The following MRM1 variants were observed in gnomAD, a reference collection of about 807,000 sequenced individuals.
MRM1 encodes mitochondrial rRNA methyltransferase 1, also known as rRNA methyltransferase 1, mitochondrial.
MRM1 carries 24 observed loss-of-function variants against 25.0 expected under a neutral mutation model. The observed-to-expected ratio is 0.96, with a 90% CI of 0.69 to 1.35. The LOEUF is 1.35. Ranked by LOEUF, MRM1 falls within the 40% of genes most tolerant of loss-of-function variation. MRM1 has a pLI of 0.00. For synonymous variants in MRM1, 188 were observed against 199.2 expected (o/e 0.94, Z 0.47); for missense variants, 431 against 464.1 (o/e 0.93, Z 0.65).
Position 36,601,991 on chromosome 17 carries a change from G to A in MRM1, c.181G>A (p.Ala61Thr). ...GTTTGGCATGACCCCGTGTCTCCTG[G>A]CTCTGCAGGCCGCCCGCCGCTCTGT... ...LLFGMTPCLL[A>T]LQAARRSVAR... The change falls in exon 1 of 5, where the codon GCT (alanine) becomes ACT (threonine). Residue 61 changes from alanine to threonine, a missense_variant. Coordinates refer to ENST00000614766, the MANE Select transcript of MRM1 (RefSeq NM_024864.5). The A allele has an allele frequency of 6.2e-7, 1 of 1,610,888 alleles. No individual in the cohort carries two copies. Among genetic ancestry groups the A allele is most frequent in the South Asian group, 1.1e-5 (1 of 90,878 alleles).
At chr17:36,611,500 A>ATGTGGTG (rs2074976617), downstream of MRM1, among the ~76,000 whole-genome samples, 1 of 152,178 alleles carries the variant, frequency 6.6e-6, no homozygotes, top group Non-Finnish European at 1.5e-5. Flanking sequence ...ACAGACTTTG[A>ATGTGGTG]TGTGGTGGTT....
intron 2 of MRM1, among the ~76,000 whole-genome samples, chr17:36,603,758 C>T (rs547444764): frequency 3.9e-5 from 6 of 152,178 alleles, no homozygotes; most frequent in Non-Finnish European, 8.8e-5. Context: ...TTACATACAA[C>T]ACACCTCGAT....
At chr17:36,609,723 C>T (rs1244487868), downstream of MRM1, among the ~76,000 whole-genome samples, 2 of 152,162 alleles carry the variant, frequency 1.3e-5, no homozygotes, top group African/African-American at 2.4e-5. Context: ...ACCTGGGCCT[C>T]GGTGCCCTCC....
intron 2 of MRM1, among the ~76,000 whole-genome samples, chr17:36,605,343 CT>C (rs71159625): frequency 1.2e-4 from 17 of 144,800 alleles, no homozygotes; most frequent in South Asian, 2.2e-4. Flanking sequence ...TTTTCTTTTT[CT>C]TTTTTTTTTT....
downstream of MRM1, among the ~76,000 whole-genome samples, chr17:36,610,068 GGCGTGCA>G (rs1299480984): frequency 2.5e-4 from 38 of 151,874 alleles, no homozygotes; most frequent in Non-Finnish European, 1.0e-4. Context: ...TGGGACTACA[GGCGTGCA>G]CCACGCGCAG....
downstream of MRM1, among the ~76,000 whole-genome samples, chr17:36,610,095 A>G (rs9916812): frequency 3.8e-3 from 572 of 150,722 alleles, 10 homozygotes; most frequent in African/African-American, 0.012. Context: ...GCTAATTTTT[A>G]TATTTTTTTT....
rs1458985493 is a variant in MRM1, at chr17:36,608,308, C to T, written c.955C>T (p.Leu319Phe). ...CCCCACAGAGGGGGAGAGAAGGCAG[C>T]TTCTCCAAGACCCCCAAGAACCCTC... ...GFPTEGERRQ[L>F]LQDPQEPSAR... The change falls in exon 5 of 5, where the codon CTT becomes TTT. Residue 319 changes from leucine to phenylalanine, a missense_variant. Coordinates refer to ENST00000614766, the MANE Select transcript of MRM1 (RefSeq NM_024864.5). The T allele has an allele frequency of 5.6e-6, 9 of 1,609,034 alleles. No homozygotes were observed. Among genetic ancestry groups the T allele is most frequent in the South Asian group, 1.1e-5 (1 of 90,566 alleles).
At chr17:36,606,589 C>T (rs1191819331) in intron 2 of MRM1, among the ~76,000 whole-genome samples, 1 of 148,428 alleles carries the variant, frequency 6.7e-6, no homozygotes, top group African/African-American at 2.5e-5. Flanking sequence ...AGAGTTTCAC[C>T]ATGATGCTCA....
the MRM1 span, among the ~76,000 whole-genome samples, chr17:36,618,190 G>A: frequency 6.6e-6 from 1 of 152,096 alleles, no homozygotes; most frequent in African/African-American, 2.4e-5. Flanking sequence ...GAGTCCTTAA[G>A]GGGGCAGACA....
the MRM1 span, among the ~76,000 whole-genome samples, chr17:36,620,923 T>C: frequency 6.6e-6 from 1 of 152,210 alleles, no homozygotes; most frequent in Non-Finnish European, 1.5e-5. Flanking sequence ...AGGTGCTGCT[T>C]GCAGGCAGAA....
chr17:36,612,516 A>G (rs1477463801), downstream of MRM1, among the ~76,000 whole-genome samples: 1 of 152,112 alleles, frequency 6.6e-6, no homozygotes, highest in Non-Finnish European at 1.5e-5. Flanking sequence ...AGTGTGGGTT[A>G]AGTACACGGG....
chr17:36,622,918 G>C, the MRM1 span, among the ~76,000 whole-genome samples: 4 of 152,188 alleles, frequency 2.6e-5, no homozygotes, highest in African/African-American at 9.7e-5. Flanking sequence ...GTTGTAGGCC[G>C]AGCCTCTTCC....
Position 36,602,162 on chromosome 17 carries a change from G to A in MRM1, c.352G>A (p.Gly118Ser). ...AATGTGCCGCTACCAGGTCCACCAG[G>A]GTGTCTGCATGGAGGTGAGCCCGCT... The part of the protein sequence containing the change: ...DTMCRYQVHQ[G>S]VCMEVSPLRP... Residue 118 changes from glycine to serine, a missense_variant, in exon 1 of 5, where the codon GGT (glycine) becomes AGT (serine). By Grantham distance (56) the Gly-to-Ser change is moderately conservative. Coordinates refer to ENST00000614766, the MANE Select transcript of MRM1 (RefSeq NM_024864.5). This position sits in a 1 kb window ranked among gnomAD's most constrained non-coding sequence, Gnocchi z 4.1. The A allele has an allele frequency of 1.9e-6, 3 of 1,613,170 alleles. No individual in the cohort carries two copies. The highest frequency in any genetic ancestry group is 3.3e-4 in the Middle Eastern group (2 of 5,996).
chr17:36,628,952 GAGAA>G, the MRM1 span, among the ~76,000 whole-genome samples: 285 of 152,196 alleles, frequency 1.9e-3, 1 homozygote, highest in Non-Finnish European at 3.3e-3. Context: ...GAGTGAGAGA[GAGAA>G]AGAGAGAGAG....
At chr17:36,607,878 C>T in intron 3 of MRM1, 21 bp from the exon 4 acceptor site, 1 of 1,613,248 alleles carries the variant, frequency 6.2e-7, no homozygotes, top group African/African-American at 1.3e-5. Context: ...CAACCCTAAC[C>T]CTCAGCCCCA....
In MRM1 at chr17:36,608,282, TC is replaced by T. The variant is rs1208305994; in HGVS notation, c.933del (p.Thr312GlnfsTer81). 1 of 1,595,772 alleles carries T rather than the reference TC, an allele frequency of 6.3e-7. No homozygotes were observed. The highest frequency in any genetic ancestry group is 1.8e-5 in the Admixed American group (1 of 55,914). The part of the protein sequence containing the change: ...LHSICSQRKG[F>X]PTEGERRQLL... ...TCCATTTGCAGCCAGAGGAAGGGTT[TC>T]CCCACAGAGGGGGAGAGAAGGCAGC... On this transcript the variant is annotated frameshift_variant, in exon 5 of 5. Coordinates refer to ENST00000614766, the MANE Select transcript of MRM1 (RefSeq NM_024864.5). LOFTEE classifies it low-confidence loss of function (END_TRUNC).
the MRM1 span, among the ~76,000 whole-genome samples, chr17:36,617,048 T>A: frequency 3.9e-5 from 6 of 152,154 alleles, no homozygotes; most frequent in Middle Eastern, 3.4e-3. Context: ...TGACAAGCTC[T>A]AAGTGGGACA....
chr17:36,628,938 G>C, the MRM1 span, among the ~76,000 whole-genome samples: 1 of 152,034 alleles, frequency 6.6e-6, no homozygotes, highest in African/African-American at 2.4e-5. Flanking sequence ...AGAGAGAGGA[G>C]AGTGAGTGAG....
At chr17:36,609,965 G>T (rs143775866), downstream of MRM1, among the ~76,000 whole-genome samples, 1 of 152,142 alleles carries the variant, frequency 6.6e-6, no homozygotes, top group Non-Finnish European at 1.5e-5. Flanking sequence ...TCACTCTGTC[G>T]CTCAGGCTGG....
Sources: gnomAD v4.1 joint callset for allele counts (sites outside exome capture counted in the v4.1 genomes callset) on GRCh38, gnomAD v4.1.1 for gene constraint, Gnocchi (gnomAD v3.1) non-coding constraint, MANE v1.5 for transcripts, NCBI Gene and HGNC (gene_info 2026-07-23, HGNC 2026-07-21) for gene names.